Variants in CFAP299 observed in about 807,000 individuals in gnomAD.
The protein encoded by CFAP299 is cilia and flagella associated protein 299, also known as cilia- and flagella-associated protein 299.
In CFAP299, 21 loss-of-function variants were observed where a neutral mutation model predicts 27.0. The observed-to-expected ratio is 0.78, with a 90% confidence interval of 0.55 to 1.12. CFAP299 has a LOEUF of 1.12. Ranked by LOEUF, CFAP299 falls within the 50% of genes most tolerant of loss-of-function variation. CFAP299 has a pLI of 0.00. For synonymous variants in CFAP299, 104 were observed against 98.1 expected, an observed-to-expected ratio of 1.06 and a Z score of -0.36; for missense variants, 310 against 276.6, an observed-to-expected ratio of 1.12 and a Z score of -0.86.
At chr4:80,926,334 G>C (rs1274733680) in intron 4 of CFAP299, among the ~76,000 whole-genome samples, 1 of 151,900 alleles carries the variant, frequency 6.6e-6, no homozygotes, top group African/African-American at 2.4e-5. Flanking sequence ...ACTGTAAGCA[G>C]GGATATAATA....
chr4:80,455,170 A>C (rs1209739117), intron 2 of CFAP299, among the ~76,000 whole-genome samples: 1 of 152,178 alleles, frequency 6.6e-6, no homozygotes, highest in Non-Finnish European at 1.5e-5. Context: ...TTAGGCTTTC[A>C]AAGGCAGTCT....
In CFAP299 at chr4:80,764,612, A is replaced by G. The variant is rs545022847; in HGVS notation, c.334-105381A>G. On this transcript the variant is annotated intron_variant, in intron 3 of 5. Coordinates refer to ENST00000358105, the MANE Select transcript of CFAP299 (RefSeq NM_152770.3). ...TTACTGGGTATATACCCAGAGTATT[A>G]TAAATCATGCTACTGTAAAGACACA... 1.3e-4 allele frequency among the ~76,000 whole-genome samples: 20 copies of G among 152,340 alleles called. No individual in the cohort carries two copies. The South Asian group carries it at 4.1e-3, about 32-fold the overall frequency.
At chr4:80,529,988 AAAAT>A (rs1483580624) in intron 2 of CFAP299, among the ~76,000 whole-genome samples, 1 of 152,228 alleles carries the variant, frequency 6.6e-6, no homozygotes, top group African/African-American at 2.4e-5. Flanking sequence ...TAGTATGAGA[AAAAT>A]AAATAACATG....
intron 2 of CFAP299, among the ~76,000 whole-genome samples, chr4:80,375,554 G>C (rs568112580): frequency 1.8e-4 from 27 of 152,332 alleles, no homozygotes; most frequent in African/African-American, 6.5e-4. Flanking sequence ...GTTTCAGGCT[G>C]ATCCACATGC....
intron 3 of CFAP299, among the ~76,000 whole-genome samples, chr4:80,836,804 A>G (rs1311926246): frequency 1.3e-5 from 2 of 152,118 alleles, no homozygotes; most frequent in Admixed American, 6.6e-5. Flanking sequence ...TTGATGATCT[A>G]GGAGATTTTA....
intron 3 of CFAP299, among the ~76,000 whole-genome samples, chr4:80,606,022 T>C (rs1282240188): frequency 1.3e-5 from 2 of 152,176 alleles, no homozygotes; most frequent in East Asian, 3.9e-4. Context: ...TGCATTCCTA[T>C]GAGAGGCCAC....
At chr4:80,910,996 A>G (rs1735442550) in intron 4 of CFAP299, among the ~76,000 whole-genome samples, 1 of 152,136 alleles carries the variant, frequency 6.6e-6, no homozygotes. Flanking sequence ...TTATCTTACT[A>G]ATTTTTTTCT....
At chr4:80,709,948 C>T (rs1246711261) in intron 3 of CFAP299, among the ~76,000 whole-genome samples, 1 of 152,086 alleles carries the variant, frequency 6.6e-6, no homozygotes. Context: ...AGAGCATTGC[C>T]TCTAGAGTAA....
Position 80,481,631 on chromosome 4 carries a change from C to A in CFAP299, c.243-101462C>A, listed in dbSNP as rs180789151. Among the ~76,000 whole-genome samples, 770 of 152,034 alleles carry A rather than the reference C, an allele frequency of 5.1e-3. 4 individuals carry two copies. Among genetic ancestry groups the A allele is most frequent in the Middle Eastern group, 0.017 (5 of 294 alleles). On this transcript the variant is annotated intron_variant, in intron 2 of 5. Coordinates refer to ENST00000358105, the MANE Select transcript of CFAP299 (RefSeq NM_152770.3). ...GAGCTTACAGACCTCGTCTTTATTT[C>A]CTTATTTTACAGATTGAGGAAACCC... is the stretch of plus-strand genomic sequence containing the variant.
chr4:80,627,919 C>G (rs549790520), intron 3 of CFAP299, among the ~76,000 whole-genome samples: 8 of 151,946 alleles, frequency 5.3e-5, no homozygotes, highest in Non-Finnish European at 1.2e-4. Context: ...CCAAAGCAAG[C>G]TACAGATTCA....
intron 2 of CFAP299, among the ~76,000 whole-genome samples, chr4:80,469,610 T>C (rs1729882964): frequency 6.6e-6 from 1 of 152,180 alleles, no homozygotes; most frequent in Admixed American, 6.5e-5. Context: ...CATTTAATAT[T>C]ATCTGTGGGT....
chr4:80,823,036 A>G (rs554354166), intron 3 of CFAP299, among the ~76,000 whole-genome samples: 2 of 152,314 alleles, frequency 1.3e-5, no homozygotes, highest in South Asian at 2.1e-4. Context: ...TTAAGCAGCA[A>G]TGCAGCTGTA....
At chr4:80,535,611 A>C (rs373555504) in intron 2 of CFAP299, among the ~76,000 whole-genome samples, 10 of 152,196 alleles carry the variant, frequency 6.6e-5, no homozygotes, top group East Asian at 5.8e-4. Flanking sequence ...TGGAGAGAAG[A>C]CATTAACATT....
At chr4:80,759,001 G>A (rs1379191670) in intron 3 of CFAP299, among the ~76,000 whole-genome samples, 1 of 152,112 alleles carries the variant, frequency 6.6e-6, no homozygotes, top group Non-Finnish European at 1.5e-5. Flanking sequence ...AAATAGTGAA[G>A]TTCAAATTAT....
intron 3 of CFAP299, among the ~76,000 whole-genome samples, chr4:80,650,526 G>A (rs1740228168): frequency 6.6e-6 from 1 of 152,044 alleles, no homozygotes; most frequent in African/African-American, 2.4e-5. Flanking sequence ...GACCATAGAT[G>A]ACTGGCACTT....
intron 2 of CFAP299, among the ~76,000 whole-genome samples, chr4:80,408,649 A>G (rs2132263): frequency 0.077 from 11,775 of 152,064 alleles, 1,067 homozygotes; most frequent in African/African-American, 0.21. Context: ...GGAGTCACAG[A>G]GTAAGTTAGA....
chr4:80,701,573 T>C (rs374274), intron 3 of CFAP299, among the ~76,000 whole-genome samples: 141,385 of 152,026 alleles, frequency 0.93, 65,818 homozygotes, highest in East Asian at 1. Context: ...GTTTTAGGCA[T>C]GAAATCCAGT....
At chr4:80,420,466 A>G (rs1402784419) in intron 2 of CFAP299, 1 of 277,678 alleles carries the variant, frequency 3.6e-6, no homozygotes, top group Non-Finnish European at 7.3e-6. Context: ...ATTCTAACAA[A>G]TGTGAAGTGA....
chr4:80,457,232 C>CA (rs1729214340), intron 2 of CFAP299, among the ~76,000 whole-genome samples: 2 of 152,000 alleles, frequency 1.3e-5, no homozygotes, highest in South Asian at 4.1e-4. Flanking sequence ...TTTTCCACAA[C>CA]AAAAAAATCA....
Sources: gnomAD v4.1 joint callset for allele counts (sites outside exome capture counted in the v4.1 genomes callset) on GRCh38, gnomAD v4.1.1 for gene constraint, MANE v1.5 for transcripts, NCBI Gene and HGNC (gene_info 2026-07-23, HGNC 2026-07-21) for gene names.